Variants in RAI1 observed in about 807,000 individuals in gnomAD.
RAI1 encodes the protein retinoic acid induced 1.
In RAI1, 9 loss-of-function variants were observed where a neutral mutation model predicts 123.8. That is an observed-to-expected ratio of 0.07 (90% CI 0.04 to 0.13). The LOEUF (loss-of-function observed/expected upper bound fraction) is 0.13, where lower values mean the gene tolerates loss of function less well. RAI1 is among the 10% of genes least tolerant of loss of function. The pLI, the probability that RAI1 is intolerant of heterozygous loss-of-function variation, is 1.00. For synonymous variants in RAI1, 1,231 were observed against 1,127.3 expected, an observed-to-expected ratio of 1.09 and a Z score of -1.84; for missense variants, 2,256 against 2,545.8, an observed-to-expected ratio of 0.89 and a Z score of 2.45.
At chr17:17,705,665 G>T (rs1320535082) in intron 1 of RAI1, among the ~76,000 whole-genome samples, 1 of 152,178 alleles carries the variant, frequency 6.6e-6, no homozygotes, top group Non-Finnish European at 1.5e-5. Context: ...GGCAGAGGTT[G>T]CAGTGAGCTG....
intron 1 of RAI1, among the ~76,000 whole-genome samples, chr17:17,705,246 A>G (rs1006419811): frequency 1.3e-5 from 2 of 152,176 alleles, no homozygotes; most frequent in Admixed American, 1.3e-4. Context: ...ATAGAACTTT[A>G]TTACCAATCT....
In RAI1 at chr17:17,681,609, G is replaced by T; in HGVS notation, c.-333G>T. 4.9e-6 allele frequency: 1 copy of T among 202,198 alleles called. No homozygotes were observed. Among genetic ancestry groups the T allele is most frequent in the South Asian group, 1.7e-4 (1 of 5,944 alleles). The allele number at this position is 202,198 out of a possible 1,614,324, so 12.5% of individuals were successfully genotyped here. A position where few individuals can be genotyped will look rare whatever the true frequency, so the allele number is the denominator to read the frequency against. On this transcript the variant is annotated 5_prime_UTR_variant, in exon 1 of 6. Transcript: ENST00000353383. ...GTGCAGCGAGGGCGAGAGGCGAGCC[G>T]AGCAGGCCGCCCTGCCCGCGGCCCT...
intron 1 of RAI1, among the ~76,000 whole-genome samples, chr17:17,699,258 C>T (rs1915136568): frequency 6.6e-6 from 1 of 152,170 alleles, no homozygotes; most frequent in South Asian, 2.1e-4. Flanking sequence ...AGACATCTGT[C>T]GGCAACATCC....
At chr17:17,725,470 A>T (rs940057272) in intron 2 of RAI1, among the ~76,000 whole-genome samples, 1 of 152,104 alleles carries the variant, frequency 6.6e-6, no homozygotes, top group South Asian at 2.1e-4. Flanking sequence ...CATTGAGGCC[A>T]TGGGAAGGGA....
In RAI1 at chr17:17,809,298, G is replaced by A. The variant is rs532237363; in HGVS notation, c.5660-92G>A. On this transcript the variant is annotated intron_variant, in intron 4 of 5. Transcript: ENST00000353383. The surrounding 1 kb of genome is among the most constrained non-coding windows in gnomAD (Gnocchi z 4.9). ...GCCCCTGCAGTCTGGAGCCTCGCGG[G>A]CAGTGCGGCTCCCCTCCTGGCTGCA... The A allele has an allele frequency of 2.4e-4, 263 of 1,084,482 alleles. No homozygotes were observed. The African/African-American group carries it at 3.4e-3, about 14-fold the overall frequency. 67.2% of individuals were successfully genotyped at this position (1,084,482 alleles called of 1,614,324 possible).
In RAI1 at chr17:17,800,424, G is replaced by A. The variant is rs2032423101; in HGVS notation, c.5565+1911G>A. Among the ~76,000 whole-genome samples, 2 of 152,144 alleles carry A rather than the reference G, an allele frequency of 1.3e-5. No individual in the cohort carries two copies. Among genetic ancestry groups the A allele is most frequent in the Admixed American group, 6.5e-5 (1 of 15,282 alleles). ...GCTCCCCGACACTCACGTCCCACCA[G>A]GCTGAGATCAGGTCGTCTCCACATC... On this transcript the variant is annotated intron_variant, in intron 3 of 5. Coordinates refer to ENST00000353383, the MANE Select transcript of RAI1 (RefSeq NM_030665.4). This position sits in a 1 kb window ranked among gnomAD's most constrained non-coding sequence, Gnocchi z 4.7.
intron 2 of RAI1, among the ~76,000 whole-genome samples, chr17:17,791,030 C>T (rs138805541): frequency 2.2e-3 from 330 of 152,338 alleles, no homozygotes; most frequent in African/African-American, 7.8e-3. Context: ...AGGGTGGGCA[C>T]GCTGCTTGTT....
chr17:17,763,369 C>T (rs762911314), intron 2 of RAI1, among the ~76,000 whole-genome samples: 5 of 152,222 alleles, frequency 3.3e-5, no homozygotes, highest in Admixed American at 1.3e-4. Flanking sequence ...GGTCAGGAGC[C>T]TGTGTGTCTC....
intron 3 of RAI1, 77 bp from the exon 4 acceptor site, chr17:17,803,679 C>T: frequency 7.2e-7 from 1 of 1,379,824 alleles, no homozygotes; most frequent in Non-Finnish European, 1.0e-6. Context: ...AGCCACTGCA[C>T]CTGGCCTACC....
intron 2 of RAI1, among the ~76,000 whole-genome samples, chr17:17,745,393 C>T (rs1916790182): frequency 6.6e-6 from 1 of 150,378 alleles, no homozygotes; most frequent in South Asian, 2.1e-4. Flanking sequence ...GTCAGGGAGC[C>T]ATTGAAGGCT....
chr17:17,732,076 C>T (rs1916291317), intron 2 of RAI1, among the ~76,000 whole-genome samples: 1 of 151,700 alleles, frequency 6.6e-6, no homozygotes, highest in South Asian at 2.1e-4. Flanking sequence ...AGGTGCCCAG[C>T]CCTGGGCACT....
chr17:17,792,382 G>C (rs564413412), intron 2 of RAI1, among the ~76,000 whole-genome samples: 1 of 152,146 alleles, frequency 6.6e-6, no homozygotes, highest in Non-Finnish European at 1.5e-5. Flanking sequence ...CATGTGCGTG[G>C]GGACAGGGGC....
At chr17:17,779,305 A>T in intron 2 of RAI1, 1 of 241,380 alleles carries the variant, frequency 4.1e-6, no homozygotes, top group Non-Finnish European at 8.3e-6. Context: ...ATCCGCACCC[A>T]CCCAGGGAGC....
chr17:17,795,074 G>T lies in RAI1; in HGVS notation c.2126G>T (p.Gly709Val), dbSNP rs755566863. 3 of 1,614,124 alleles carry T rather than the reference G, an allele frequency of 1.9e-6. No individual in the cohort carries two copies. Among genetic ancestry groups the T allele is most frequent in the Non-Finnish European group, 8.5e-7 (1 of 1,180,032 alleles). Residue 709 changes from glycine (G) to valine (V), a missense_variant, in exon 3 of 6, where the codon GGT becomes GTT. Physicochemically the swap from Gly to Val is moderately radical, Grantham distance 109. Around this residue, in one of 7 missense-constraint regions of RAI1, gnomAD observed 566 missense variants for 616.0 expected, o/e 0.92. Coordinates refer to ENST00000353383, the MANE Select transcript of RAI1 (RefSeq NM_030665.4). This position sits in a 1 kb window ranked among gnomAD's most constrained non-coding sequence, Gnocchi z 5.9. Reference sequence around the variant, plus strand: ...AAGACAACTGGTCCTCTCTCCTTTGGTACCAAGCCCACCCTTGGGGTTCCT... The same window carrying T: ...AAGACAACTGGTCCTCTCTCCTTTGTTACCAAGCCCACCCTTGGGGTTCCT... ...PKKTTGPLSF[G>V]TKPTLGVPAP...
chr17:17,707,067 C>G (rs1038827290), intron 1 of RAI1, among the ~76,000 whole-genome samples: 1 of 152,156 alleles, frequency 6.6e-6, no homozygotes, highest in Non-Finnish European at 1.5e-5. Context: ...CTAAGCTACT[C>G]AGGAGGCTGA....
chr17:17,773,354 G>C (rs1246342410), intron 2 of RAI1, among the ~76,000 whole-genome samples: 2 of 152,178 alleles, frequency 1.3e-5, no homozygotes, highest in Non-Finnish European at 2.9e-5. Context: ...GCATGGGACA[G>C]AACAAGGTTG....
At chr17:17,715,571 T>C (rs898024124) in intron 1 of RAI1, among the ~76,000 whole-genome samples, 1 of 152,192 alleles carries the variant, frequency 6.6e-6, no homozygotes, top group South Asian at 2.1e-4. Context: ...GGTGTGGTCA[T>C]TGGCGTCTTT....
Position 17,810,746 on chromosome 17 carries a change from C to G in RAI1, c.*765C>G. On this transcript the variant is annotated 3_prime_UTR_variant, in exon 6 of 6. Coordinates refer to ENST00000353383, the MANE Select transcript of RAI1 (RefSeq NM_030665.4). This position sits in a 1 kb window ranked among gnomAD's most constrained non-coding sequence, Gnocchi z 4.6. ...GTCCCCTTTCCAGTCCTCCACCCCACCCCTGGAGCCCAGCCTGGGAGCGCA... is the reference window on the plus strand; with the variant it reads ...GTCCCCTTTCCAGTCCTCCACCCCAGCCCTGGAGCCCAGCCTGGGAGCGCA... 2.2e-6 allele frequency: 1 copy of G among 448,232 alleles called. No homozygotes were observed. Among genetic ancestry groups the G allele is most frequent in the South Asian group, 1.6e-5 (1 of 63,890 alleles). 27.8% of individuals were successfully genotyped at this position (448,232 alleles called of 1,614,324 possible).
In RAI1 at chr17:17,794,697, C is replaced by T; in HGVS notation, c.1749C>T (p.Ser583=). 1 of 1,612,996 alleles carries T rather than the reference C, an allele frequency of 6.2e-7. No homozygotes were observed. Residue 583 remains serine (S), a synonymous_variant, in exon 3 of 6, where the codon AGC becomes AGT. Transcript: ENST00000353383. ...QSLHGSLPLD[S]FSKFVAGERD... Reference sequence around the variant, plus strand: ...TACACGGCAGTCTGCCGCTCGACAGCTTCTCCAAGTTCGTGGCGGGTGAGC... The same window carrying T: ...TACACGGCAGTCTGCCGCTCGACAGTTTCTCCAAGTTCGTGGCGGGTGAGC...
Sources: allele counts gnomAD v4.1 joint callset (sites outside exome capture counted in the v4.1 genomes callset), GRCh38; gene constraint gnomAD v4.1.1; regional missense constraint gnomAD v4.1.1; non-coding constraint Gnocchi (gnomAD v3.1); transcripts MANE v1.5; gene names NCBI Gene and HGNC (gene_info 2026-07-23, HGNC 2026-07-21).